Variants in DTNA observed in about 807,000 individuals in gnomAD.
The protein encoded by DTNA is dystrophin-related protein 3.
In DTNA, 43 loss-of-function variants were observed where a neutral mutation model predicts 100.7. The ratio of observed to expected loss-of-function variants is 0.43; its 90% CI spans 0.33 to 0.55. The LOEUF is 0.55. DTNA is among the 20% of genes least tolerant of loss of function. The probability of loss-of-function intolerance (pLI) is 0.04; values close to 1 mark genes in which losing one functional copy is unlikely to be tolerated. For synonymous variants in DTNA, 349 were observed against 347.9 expected, an observed-to-expected ratio of 1.00 and a Z score of -0.04; for missense variants, 798 against 953.9, an observed-to-expected ratio of 0.84 and a Z score of 2.15.
In DTNA at chr18:34,826,310, G is replaced by C. The variant is rs201812911; in HGVS notation, c.1002-1283G>C. Among the ~76,000 whole-genome samples, 3 of 152,068 alleles carry C rather than the reference G, an allele frequency of 2.0e-5. No homozygotes were observed. In the East Asian group the frequency reaches 5.8e-4, roughly 29 times the overall value. On this transcript the variant is annotated intron_variant, in intron 9 of 22. Transcript: ENST00000444659. ...TAAGTTCTTTAGTGGTGATTTGTGA[G>C]ATTTTGGTGCACCCATCACTCGAGC...
chr18:34,668,872 T>C lies in DTNA; in HGVS notation c.-1-87104T>C, dbSNP rs147401358. Among the ~76,000 whole-genome samples the C allele has an allele frequency of 8.5e-3, 1,290 of 152,240 alleles. 20 individuals carry two copies. Among genetic ancestry groups the C allele is most frequent in the African/African-American group, 0.029 (1,210 of 41,528 alleles). On this transcript the variant is annotated intron_variant, in intron 1 of 19. Coordinates refer to the DTNA transcript ENST00000283365. The stretch of plus-strand genomic sequence containing the variant: ...TATGTGGTCAATTTTGGAATAGGTG[T>C]GGTGTGGTGCTGAGAAGAAGGTATA...
chr18:34,722,715 C>T (rs1442803559), intron 1 of DTNA, among the ~76,000 whole-genome samples: 1 of 152,016 alleles, frequency 6.6e-6, no homozygotes, highest in East Asian at 1.9e-4. Flanking sequence ...TAATGCCTCC[C>T]ACCTGTCCCT....
At chr18:34,600,669 A>G (rs557290211) in intron 1 of DTNA, among the ~76,000 whole-genome samples, 22 of 152,348 alleles carry the variant, frequency 1.4e-4, no homozygotes, top group Non-Finnish European at 2.6e-4. Context: ...AAATGTAGCA[A>G]TTCTTCCCAG....
At chr18:34,591,116 T>C (rs2146910322) in intron 1 of DTNA, among the ~76,000 whole-genome samples, 1 of 152,322 alleles carries the variant, frequency 6.6e-6, no homozygotes, top group African/African-American at 2.4e-5. Flanking sequence ...ACATTTCATT[T>C]TTTTTTCTAT....
chr18:34,640,742 A>G (rs537829702), intron 1 of DTNA, among the ~76,000 whole-genome samples: 2 of 152,320 alleles, frequency 1.3e-5, no homozygotes, highest in Non-Finnish European at 2.9e-5. Context: ...TTAAAAACCA[A>G]TTTGAAGTTT....
chr18:34,736,210 A>G (rs10502634), intron 1 of DTNA, among the ~76,000 whole-genome samples: 14,097 of 152,236 alleles, frequency 0.093, 673 homozygotes, highest in South Asian at 0.12. Flanking sequence ...GCAATACCAC[A>G]TTAAACTCTG....
intron 1 of DTNA, among the ~76,000 whole-genome samples, chr18:34,564,453 T>C (rs991750538): frequency 6.6e-6 from 1 of 152,230 alleles, no homozygotes; most frequent in African/African-American, 2.4e-5. Flanking sequence ...CCCCACACTT[T>C]TGAAGGATCT....
intron 1 of DTNA, among the ~76,000 whole-genome samples, chr18:34,665,879 A>T (rs551773181): frequency 2.8e-4 from 43 of 152,272 alleles, no homozygotes; most frequent in African/African-American, 1.0e-3. Context: ...GCTGCAATAA[A>T]CATACGTGTG....
At chr18:34,811,682 A>G (rs2095489465) in intron 5 of DTNA, among the ~76,000 whole-genome samples, 1 of 152,214 alleles carries the variant, frequency 6.6e-6, no homozygotes, top group Non-Finnish European at 1.5e-5. Flanking sequence ...ACAAAAATGT[A>G]GTGTCTTATT....
At chr18:34,664,047 A>G (rs2144667428) in intron 1 of DTNA, among the ~76,000 whole-genome samples, 1 of 152,250 alleles carries the variant, frequency 6.6e-6, no homozygotes, top group East Asian at 1.9e-4. Context: ...TTAAGGAACA[A>G]TCACTTGTTG....
chr18:34,791,831 C>T, intron 3 of DTNA, among the ~76,000 whole-genome samples: 1 of 152,086 alleles, frequency 6.6e-6, no homozygotes, highest in East Asian at 1.9e-4. Context: ...CAGGAACTAC[C>T]ACTTTTTACT....
At chr18:34,698,466 C>A (rs980021024) in intron 1 of DTNA, among the ~76,000 whole-genome samples, 10 of 152,318 alleles carry the variant, frequency 6.6e-5, no homozygotes, top group African/African-American at 2.4e-4. Flanking sequence ...CACTGCAATC[C>A]CTGCTTCAGT....
intron 20 of DTNA, among the ~76,000 whole-genome samples, chr18:34,880,341 G>A (rs1254387602): frequency 6.6e-6 from 1 of 152,172 alleles, no homozygotes; most frequent in Non-Finnish European, 1.5e-5. Flanking sequence ...CCCTGGATCA[G>A]CTCAAATTAG....
chr18:34,848,407 T>C, intron 14 of DTNA, 24 bp downstream of exon 14: 1 of 1,611,978 alleles, frequency 6.2e-7, no homozygotes, highest in African/African-American at 1.3e-5. Flanking sequence ...GTAAAAGGAT[T>C]CGTCTGTTGG....
At position 34,514,452 on chromosome 18, in the gene DTNA, G is replaced by T. The variant is rs77701077; in HGVS notation, c.-2+20938G>T. Among the ~76,000 whole-genome samples, 632 of 152,174 alleles carry T rather than the reference G, an allele frequency of 4.2e-3. 3 individuals are homozygous for T. Among genetic ancestry groups the T allele is most frequent in the Admixed American group, 6.9e-3 (106 of 15,264 alleles). ...CAGGGACCAAACTTTAAGAGTCATC[G>T]ATATGACACATAAGGCTCATGGTGA... is the stretch of plus-strand genomic sequence containing the variant. On this transcript the variant is annotated intron_variant, in intron 1 of 19. Transcript: ENST00000283365.
intron 4 of DTNA, 109 bp downstream of exon 4, chr18:34,794,359 T>G (rs531950593): frequency 4.2e-6 from 5 of 1,191,098 alleles, no homozygotes; most frequent in Non-Finnish European, 6.1e-6. Flanking sequence ...TTTTTTTTAC[T>G]CTCTTTTTTC....
At chr18:34,887,301 T>TA (rs2096930408) in intron 22 of DTNA, among the ~76,000 whole-genome samples, 1 of 152,224 alleles carries the variant, frequency 6.6e-6, no homozygotes, top group South Asian at 2.1e-4. Context: ...TTAGCCCATT[T>TA]AGGTATTCAA....
chr18:34,866,839 C>G, intron 17 of DTNA: 1 of 1,020,120 alleles, frequency 9.8e-7, no homozygotes, highest in Non-Finnish European at 1.2e-6. Context: ...AGCACCAGAG[C>G]CTTTCGGCTC....
intron 1 of DTNA, among the ~76,000 whole-genome samples, chr18:34,563,908 T>TA (rs778174359): frequency 3.9e-5 from 6 of 152,190 alleles, no homozygotes; most frequent in African/African-American, 1.4e-4. Flanking sequence ...ATTCTATCCT[T>TA]ACACTTCCTC....
Sources: gnomAD v4.1 joint callset for allele counts (sites outside exome capture counted in the v4.1 genomes callset) on GRCh38, gnomAD v4.1.1 for gene constraint, MANE v1.5 for transcripts, NCBI Gene and HGNC (gene_info 2026-07-23, HGNC 2026-07-21) for gene names.